DGKZ: variants seen among roughly 807,000 people sequenced by gnomAD.
The protein encoded by DGKZ is diacylglycerol kinase zeta.
Under a neutral mutation model 142.5 loss-of-function variants are expected in DGKZ, and 45 were observed. That is an observed-to-expected ratio of 0.32 (90% CI 0.25 to 0.40). The LOEUF (loss-of-function observed/expected upper bound fraction) is 0.40, where lower values mean the gene tolerates loss of function less well. Among genes scored for constraint, DGKZ ranks in the 10% least tolerant of loss-of-function variants. DGKZ has a pLI of 1.00. For synonymous variants in DGKZ, 442 were observed against 527.0 expected, an observed-to-expected ratio of 0.84 and a Z score of 2.21; for missense variants, 755 against 1,306.5, an observed-to-expected ratio of 0.58 and a Z score of 6.51.
At chr11:46,337,271 T>C (rs1940058696) in intron 1 of DGKZ, among the ~76,000 whole-genome samples, 1 of 150,722 alleles carries the variant, frequency 6.6e-6, no homozygotes, top group Admixed American at 6.6e-5. Flanking sequence ...CCTGGGGGTC[T>C]CTTTTTAAAT....
At chr11:46,353,016 C>T (rs920174352) in intron 1 of DGKZ, among the ~76,000 whole-genome samples, 3 of 152,204 alleles carry the variant, frequency 2.0e-5, no homozygotes, top group Non-Finnish European at 2.9e-5. Context: ...AAAGCAGGTT[C>T]GAGTGAGACC....
chr11:46,374,262 G>A, intron 15 of DGKZ, 27 bp downstream of exon 15: 1 of 1,613,642 alleles, frequency 6.2e-7, no homozygotes, highest in Non-Finnish European at 8.5e-7. Flanking sequence ...TGAGGCCAGG[G>A]CAGGGTGGGC....
intron 1 of DGKZ, among the ~76,000 whole-genome samples, chr11:46,337,661 C>T (rs1383810641): frequency 2.6e-5 from 4 of 151,934 alleles, no homozygotes; most frequent in Non-Finnish European, 4.4e-5. Context: ...TGGGCCTGGA[C>T]GCCTCCATGC....
chr11:46,377,679 C>G (rs1190551879), intron 25 of DGKZ: 2 of 223,942 alleles, frequency 8.9e-6, no homozygotes, highest in African/African-American at 2.3e-5. Flanking sequence ...CTCCCCAGGC[C>G]CCCCGTCATT....
chr11:46,352,091 C>G (rs964497212), intron 1 of DGKZ, among the ~76,000 whole-genome samples: 8 of 152,204 alleles, frequency 5.3e-5, no homozygotes. Flanking sequence ...CTGCCCTCCT[C>G]GGCTCCCTGG....
chr11:46,377,084 C>T, exon 25 of DGKZ: 2 of 1,613,354 alleles, frequency 1.2e-6, no homozygotes, highest in Non-Finnish European at 1.7e-6. Context: ...AGCACCTCAA[C>T]TATGTGACTG....
exon 1 of DGKZ, chr11:46,332,977 G>A (rs1939844177): frequency 3.4e-6 from 1 of 290,936 alleles, no homozygotes; most frequent in Non-Finnish European, 6.3e-6. Flanking sequence ...CTCCGCCCGG[G>A]CTCCGGCTCC....
chr11:46,347,391 CG>C, upstream of DGKZ: 1 of 983,788 alleles, frequency 1.0e-6, no homozygotes, highest in African/African-American at 1.8e-5. The surrounding 1 kb of genome is among the most constrained non-coding windows in gnomAD (Gnocchi z 6.4). Flanking sequence ...ACCGTGCGGC[CG>C]AGGGGGCGTG....
chr11:46,376,557 G>C (rs756085944), exon 24 of DGKZ: 6 of 1,613,528 alleles, frequency 3.7e-6, no homozygotes, highest in Non-Finnish European at 5.1e-6. Flanking sequence ...AGGATCGACC[G>C]AGCCCAGGTG....
At position 46,347,915 on chromosome 11, in the gene DGKZ, C is replaced by T; in HGVS notation, c.161+95C>T. ...CCTCGGCCACTGGGGGTCCGGGCCA[C>T]TTCGGTACTGACACTGAGTCGGGGA... On this transcript the variant is annotated intron_variant, in intron 1 of 30. Coordinates refer to ENST00000527911, the Ensembl canonical transcript of DGKZ. The surrounding 1 kb of genome is among the most constrained non-coding windows in gnomAD (Gnocchi z 6.4). 7 of 1,255,872 alleles carry T rather than the reference C, an allele frequency of 5.6e-6. No homozygotes were observed. The highest frequency in any genetic ancestry group is 4.3e-5 in the Admixed American group (1 of 23,520). The allele number at this position is 1,255,872 out of a possible 1,614,324, so 77.8% of individuals were successfully genotyped here.
intron 1 of DGKZ, among the ~76,000 whole-genome samples, chr11:46,337,830 C>G (rs1375927827): frequency 6.6e-6 from 1 of 152,060 alleles, no homozygotes; most frequent in East Asian, 1.9e-4. Flanking sequence ...AGATGACTCA[C>G]TGGGATGTGG....
At chr11:46,351,433 C>T (rs1224908059) in intron 1 of DGKZ, among the ~76,000 whole-genome samples, 1 of 152,218 alleles carries the variant, frequency 6.6e-6, no homozygotes, top group Non-Finnish European at 1.5e-5. Context: ...CACTGCCACA[C>T]GGCCCCAGCG....
intron 1 of DGKZ, chr11:46,364,490 T>C: frequency 8.0e-7 from 1 of 1,242,626 alleles, no homozygotes; most frequent in South Asian, 1.4e-5. Context: ...AGTGGGGCAC[T>C]ATTTGGGGTC....
chr11:46,369,842 C>A (rs569614750), intron 5 of DGKZ, 99 bp from the exon 6 acceptor site: 1 of 1,284,404 alleles, frequency 7.8e-7, no homozygotes. Context: ...GACTGCAGAG[C>A]GCTTCCTGCA....
exon 1 of DGKZ, chr11:46,333,460 T>G (rs1335358579): frequency 6.5e-7 from 1 of 1,538,332 alleles, no homozygotes; most frequent in Non-Finnish European, 8.8e-7. Context: ...TTCCGCCAGC[T>G]GCACCTACGA....
rs1944087131 is a variant in DGKZ, at chr11:46,372,704, G to A, written c.1071+27G>A. 1.2e-6 allele frequency: 2 copies of A among 1,612,594 alleles called. No individual in the cohort carries two copies. The highest frequency in any genetic ancestry group is 2.7e-5 in the African/African-American group (2 of 75,040). On this transcript the variant is annotated intron_variant, in intron 12 of 30. Transcript: ENST00000527911. This position sits in a 1 kb window ranked among gnomAD's most constrained non-coding sequence, Gnocchi z 5.9. ...TGAGCTCCCCGCATGGGCCAGCCGA[G>A]CACCAGGGCTGGGCCTGAAGCCGGG...
chr11:46,359,634 C>T (rs1354041999), intron 1 of DGKZ, among the ~76,000 whole-genome samples: 1 of 151,764 alleles, frequency 6.6e-6, no homozygotes, highest in Non-Finnish European at 1.5e-5. Flanking sequence ...GATGGAGTCT[C>T]GCTCTGTGGC....
At chr11:46,371,854 C>T (rs1423494694) in intron 9 of DGKZ, 79 bp downstream of exon 9, 2 of 1,506,410 alleles carry the variant, frequency 1.3e-6, no homozygotes, top group Admixed American at 1.9e-5. Flanking sequence ...CTTCCACCCC[C>T]AGCTAATGCT....
intron 1 of DGKZ, chr11:46,366,379 G>T: frequency 6.6e-7 from 1 of 1,523,724 alleles, no homozygotes; most frequent in Non-Finnish European, 8.8e-7. Context: ...CCGCTGGGCA[G>T]GCCTCCTCCT....
Sources: gnomAD v4.1 joint callset for allele counts (sites outside exome capture counted in the v4.1 genomes callset) on GRCh38, gnomAD v4.1.1 for gene constraint, Gnocchi (gnomAD v3.1) non-coding constraint, MANE v1.5 for transcripts, NCBI Gene and HGNC (gene_info 2026-07-23, HGNC 2026-07-21) for gene names.